The following ERN1 variants were observed in gnomAD, a reference collection of about 807,000 sequenced individuals.
The protein encoded by ERN1 is serine/threonine-protein kinase/endoribonuclease IRE1.
A neutral mutation model predicts 113.1 loss-of-function variants in ERN1; 39 were observed. That is an observed-to-expected ratio of 0.34 (90% CI 0.27 to 0.45). The LOEUF (loss-of-function observed/expected upper bound fraction) is 0.45, where lower values mean the gene tolerates loss of function less well. ERN1 is among the 20% of genes least tolerant of loss of function. ERN1 has a pLI of 1.00. For missense variants in ERN1, 976 were observed against 1,274.8 expected, an observed-to-expected ratio of 0.77 and a Z score of 3.57; for synonymous variants, 507 against 515.9, an observed-to-expected ratio of 0.98 and a Z score of 0.23.
chr17:64,102,993 A>G, intron 1 of ERN1: 7 of 981,554 alleles, frequency 7.1e-6, no homozygotes, highest in Non-Finnish European at 8.5e-6. Flanking sequence ...GGGTAGTGGC[A>G]GGCATCTAGT....
intron 2 of ERN1, among the ~76,000 whole-genome samples, chr17:64,090,901 T>TA (rs1026960144): frequency 6.6e-6 from 1 of 152,182 alleles, no homozygotes. Context: ...CGTCTATGTT[T>TA]AAAAGTAAAA....
intron 1 of ERN1, among the ~76,000 whole-genome samples, chr17:64,112,323 G>A (rs1184971453): frequency 1.3e-5 from 2 of 150,212 alleles, no homozygotes; most frequent in Non-Finnish European, 2.9e-5. Flanking sequence ...AGCTGAGATT[G>A]CACCATTGCA....
Position 64,052,871 on chromosome 17 carries a change from C to T in ERN1, c.2162G>A (p.Gly721Asp). Reference protein sequence around the residue: ...DFGLCKKLAVGRHSFSRRSGV... With the variant: ...DFGLCKKLAVDRHSFSRRSGV... ...AGATCGGCGGCTGAAACTGTGTCTG[C>T]CCACTGCCAGCTTCTTGCAGAGGCC... The change falls in exon 17 of 22, where the codon GGC becomes GAC. Residue 721 changes from glycine (G) to aspartate (D), a missense_variant. Gly to Asp is a moderately conservative substitution (Grantham distance 94). Around this residue, in one of 5 missense-constraint regions of ERN1, gnomAD observed 297 missense variants for 457.8 expected, o/e 0.65. Coordinates refer to ENST00000433197, the MANE Select transcript of ERN1 (RefSeq NM_001433.5). The T allele has an allele frequency of 6.2e-7, 1 of 1,614,016 alleles. No individual in the cohort carries two copies. The highest frequency in any genetic ancestry group is 8.5e-7 in the Non-Finnish European group (1 of 1,179,900).
chr17:64,075,795 G>A (rs1005796013), intron 4 of ERN1, among the ~76,000 whole-genome samples: 2 of 152,230 alleles, frequency 1.3e-5, no homozygotes, highest in Non-Finnish European at 2.9e-5. Flanking sequence ...AGAAAGAATT[G>A]TCCTGGCTTG....
In ERN1 at chr17:64,060,343, G is replaced by A. The variant is rs181260937; in HGVS notation, c.1206+126C>T. 2.3e-4 allele frequency: 152 copies of A among 668,376 alleles called. 1 individual carries two copies. In the African/African-American group the frequency reaches 2.5e-3, roughly 11 times the overall value. 41.4% of individuals were successfully genotyped at this position (668,376 alleles called of 1,614,324 possible). A position where few individuals can be genotyped will look rare whatever the true frequency, so the allele number is the denominator to read the frequency against. On this transcript the variant is annotated intron_variant, in intron 11 of 21. Transcript: ENST00000433197. ...TTAACCATTTATGTTTTTTGCTTTGGATTCTGGTGCATTCCTCTTCCCTCC... is the reference window on the plus strand; with the variant it reads ...TTAACCATTTATGTTTTTTGCTTTGAATTCTGGTGCATTCCTCTTCCCTCC...
At chr17:64,075,042 G>T in intron 5 of ERN1, 133 bp downstream of exon 5, 1 of 745,372 alleles carries the variant, frequency 1.3e-6, no homozygotes, top group Non-Finnish European at 2.3e-6. Flanking sequence ...GGGGAGAACA[G>T]CACCTGAAGC....
intron 1 of ERN1, among the ~76,000 whole-genome samples, chr17:64,115,913 C>A (rs1172888866): frequency 6.6e-6 from 1 of 152,192 alleles, no homozygotes; most frequent in African/African-American, 2.4e-5. Flanking sequence ...TTTGCTGCAG[C>A]TTCTTCTAGC....
At chr17:64,060,004 A>C (rs773387880) in intron 11 of ERN1, among the ~76,000 whole-genome samples, 8 of 151,864 alleles carry the variant, frequency 5.3e-5, no homozygotes, top group Non-Finnish European at 1.0e-4. Context: ...AACAACTCTT[A>C]AACTCCTCCA....
intron 10 of ERN1, among the ~76,000 whole-genome samples, chr17:64,062,004 C>T (rs546429932): frequency 6.6e-6 from 1 of 152,378 alleles, no homozygotes; most frequent in African/African-American, 2.4e-5. Flanking sequence ...TGGGCCTTCA[C>T]TGATATCACG....
chr17:64,099,529 T>TA (rs201851251), intron 1 of ERN1, among the ~76,000 whole-genome samples: 3,178 of 147,016 alleles, frequency 0.022, 61 homozygotes, highest in East Asian at 0.041. Flanking sequence ...GGTCTTCAAT[T>TA]AAAAAAAAAA....
intron 4 of ERN1, 60 bp from the exon 5 acceptor site, chr17:64,075,307 T>C: frequency 7.2e-7 from 1 of 1,384,606 alleles, no homozygotes; most frequent in Non-Finnish European, 9.6e-7. Context: ...ATTATTACAA[T>C]TTTACCAGGC....
chr17:64,106,744 ACACACACACACACACACAC>A (rs1914539763), intron 1 of ERN1, among the ~76,000 whole-genome samples: 1 of 144,968 alleles, frequency 6.9e-6, no homozygotes, highest in Admixed American at 6.7e-5. Flanking sequence ...ACACACACAC[ACACACACACACACACACAC>A]AAGCTCGCTG....
chr17:64,086,831 G>C (rs60244749), intron 2 of ERN1, among the ~76,000 whole-genome samples: 1 of 151,580 alleles, frequency 6.6e-6, no homozygotes, highest in African/African-American at 2.4e-5. Flanking sequence ...ATTTGTAGTA[G>C]AGATGGGGTT....
intron 1 of ERN1, among the ~76,000 whole-genome samples, chr17:64,115,652 G>A (rs896423637): frequency 2.0e-5 from 3 of 152,214 alleles, no homozygotes; most frequent in Admixed American, 6.5e-5. Flanking sequence ...AAAACTCTTT[G>A]GTTTAAAAAC....
chr17:64,101,222 A>C (rs549281760), intron 1 of ERN1, among the ~76,000 whole-genome samples: 2 of 152,332 alleles, frequency 1.3e-5, no homozygotes, highest in East Asian at 3.9e-4. Context: ...CAGCCTGGCC[A>C]ACATGGCGAA....
rs1912317481 is a variant in ERN1, at chr17:64,040,935, G to A, written c.*3053C>T. The A allele has an allele frequency of 1.3e-5, 2 of 152,096 alleles. No homozygotes were observed. Among genetic ancestry groups the A allele is most frequent in the African/African-American group, 4.8e-5 (2 of 41,368 alleles). The allele number at this position is 152,096 out of a possible 1,614,324, so 9.4% of individuals were successfully genotyped here. A position where few individuals can be genotyped will look rare whatever the true frequency, so the allele number is the denominator to read the frequency against. On this transcript the variant is annotated 3_prime_UTR_variant, in exon 22 of 22. Transcript: ENST00000433197. Reference sequence around the variant, plus strand: ...CTGAGGCAGGCGGATCACGAGGTTAGGAGATCGAGACCATCCTGCCTAACA... The same window carrying A: ...CTGAGGCAGGCGGATCACGAGGTTAAGAGATCGAGACCATCCTGCCTAACA...
chr17:64,098,875 A>C (rs1008833678), intron 1 of ERN1, among the ~76,000 whole-genome samples: 5 of 152,202 alleles, frequency 3.3e-5, no homozygotes, highest in Admixed American at 2.6e-4. Flanking sequence ...CAAAACAAAA[A>C]AAATTTTAAA....
Position 64,065,358 on chromosome 17 carries a change from C to T in ERN1, c.843-71G>A, listed in dbSNP as rs1913187553. 4.4e-6 allele frequency: 5 copies of T among 1,140,910 alleles called. No individual in the cohort carries two copies. In the African/African-American group the frequency reaches 6.2e-5, roughly 14 times the overall value. The allele number at this position is 1,140,910 out of a possible 1,614,324, so 70.7% of individuals were successfully genotyped here. A position where few individuals can be genotyped will look rare whatever the true frequency, so the allele number is the denominator to read the frequency against. ...AGATCCCACAGAAGGGAGTAATCAT[C>T]ACCCCAAATACCACCCGCAGGGATG... On this transcript the variant is annotated intron_variant, in intron 8 of 21. Coordinates refer to ENST00000433197, the MANE Select transcript of ERN1 (RefSeq NM_001433.5).
intron 4 of ERN1, 90 bp downstream of exon 4, chr17:64,079,572 G>T: frequency 9.6e-7 from 1 of 1,042,154 alleles, no homozygotes; most frequent in South Asian, 1.4e-5. Context: ...AAAGCTCCAG[G>T]TGGGAGACAC....
Sources: gnomAD v4.1 joint callset for allele counts (sites outside exome capture counted in the v4.1 genomes callset) on GRCh38, gnomAD v4.1.1 for gene constraint, gnomAD v4.1.1 regional missense constraint, MANE v1.5 for transcripts, NCBI Gene and HGNC (gene_info 2026-07-23, HGNC 2026-07-21) for gene names.